The following CLIP2 variants were observed in gnomAD, a reference collection of about 807,000 sequenced individuals.
CLIP2 encodes the protein CAP-Gly domain containing linker protein 2, also known as CAP-Gly domain-containing linker protein 2.
A neutral mutation model predicts 111.7 loss-of-function variants in CLIP2; 41 were observed. That is an observed-to-expected ratio of 0.37 (90% CI 0.29 to 0.48). The LOEUF is 0.48. Ranked by LOEUF, CLIP2 falls within the 20% of genes least tolerant of loss-of-function variation. The pLI is 0.99. For synonymous variants in CLIP2, 660 were observed against 644.2 expected, an observed-to-expected ratio of 1.02 and a Z score of -0.37; for missense variants, 1,160 against 1,422.1, an observed-to-expected ratio of 0.82 and a Z score of 2.96.
chr7:74,353,014 G>A (rs1485567873), intron 3 of CLIP2, among the ~76,000 whole-genome samples: 4 of 152,032 alleles, frequency 2.6e-5, no homozygotes, highest in African/African-American at 9.7e-5. Flanking sequence ...AGCTGGGTAT[G>A]GTGGCACACA....
chr7:74,314,349 G>A (rs2116494355), intron 1 of CLIP2, among the ~76,000 whole-genome samples: 1 of 152,140 alleles, frequency 6.6e-6, no homozygotes, highest in Non-Finnish European at 1.5e-5. Flanking sequence ...AAATTAGCCA[G>A]GCATGGTGGC....
chr7:74,381,514 C>G (rs1412363412), intron 11 of CLIP2: 1 of 437,286 alleles, frequency 2.3e-6, no homozygotes, highest in Non-Finnish European at 4.6e-6. Flanking sequence ...CAGGTCTAAA[C>G]TTCAAATGGT....
intron 2 of CLIP2, among the ~76,000 whole-genome samples, chr7:74,321,291 C>A (rs1426023153): frequency 6.6e-6 from 1 of 152,038 alleles, no homozygotes; most frequent in African/African-American, 2.4e-5. Flanking sequence ...TTCTCCCTTC[C>A]CCCTTACCAC....
At chr7:74,357,232 C>T (rs782584926) in intron 5 of CLIP2, 48 bp from the exon 6 acceptor site, 2 of 1,554,184 alleles carry the variant, frequency 1.3e-6, no homozygotes, top group African/African-American at 2.7e-5. Context: ...GTCTGCCCTG[C>T]AGTGCTTCAG....
intron 13 of CLIP2, among the ~76,000 whole-genome samples, chr7:74,392,394 G>A (rs892549750): frequency 2.6e-5 from 4 of 151,568 alleles, no homozygotes; most frequent in South Asian, 4.2e-4. Context: ...ATAGCTGGGC[G>A]TGGAGCACAC....
chr7:74,398,209 A>C (rs1185465396), intron 14 of CLIP2, among the ~76,000 whole-genome samples: 8 of 152,042 alleles, frequency 5.3e-5, no homozygotes, highest in African/African-American at 1.9e-4. Flanking sequence ...AAATACAAAA[A>C]TTAGCCGGGC....
At chr7:74,372,662 A>G (rs1299453013) in intron 8 of CLIP2, among the ~76,000 whole-genome samples, 1 of 151,636 alleles carries the variant, frequency 6.6e-6, no homozygotes, top group African/African-American at 2.4e-5. Flanking sequence ...GATGGCTTGC[A>G]GGCCCCCACC....
At chr7:74,317,825 G>T (rs1483121546) in intron 2 of CLIP2, among the ~76,000 whole-genome samples, 158 bp downstream of exon 2, 2 of 152,216 alleles carry the variant, frequency 1.3e-5, no homozygotes, top group East Asian at 3.8e-4. Context: ...AACACTGGGA[G>T]GTTGGCAGAG....
intron 3 of CLIP2, among the ~76,000 whole-genome samples, chr7:74,342,954 G>C (rs1789699342): frequency 6.6e-6 from 1 of 151,362 alleles, no homozygotes; most frequent in Non-Finnish European, 1.5e-5. Flanking sequence ...AGAATGGCGT[G>C]AACCTGGGAG....
chr7:74,372,841 T>C, intron 8 of CLIP2, 91 bp from the exon 9 acceptor site: 1 of 682,966 alleles, frequency 1.5e-6, no homozygotes, highest in Non-Finnish European at 2.4e-6. Flanking sequence ...TCTCTCTCTC[T>C]TTCTCTCTCT....
chr7:74,312,121 C>T (rs761636074), intron 1 of CLIP2, among the ~76,000 whole-genome samples: 27 of 151,998 alleles, frequency 1.8e-4, no homozygotes, highest in Non-Finnish European at 2.9e-4. Context: ...GGCAATGGGA[C>T]GCCTGTAGTC....
At chr7:74,303,378 A>G (rs963551927) in intron 1 of CLIP2, among the ~76,000 whole-genome samples, 2 of 152,208 alleles carry the variant, frequency 1.3e-5, no homozygotes, top group Middle Eastern at 3.4e-3. Context: ...TGCATGGTGC[A>G]GGATTGGGGT....
chr7:74,323,668 T>C (rs1279242431), intron 2 of CLIP2, among the ~76,000 whole-genome samples: 1 of 152,076 alleles, frequency 6.6e-6, no homozygotes, highest in Non-Finnish European at 1.5e-5. Context: ...TCAGGTAATC[T>C]GCCTGCCTCG....
Position 74,404,059 on chromosome 7 carries a change from T to C in CLIP2, c.*211T>C, listed in dbSNP as rs1791698756. 4.8e-6 allele frequency: 3 copies of C among 619,646 alleles called. No individual in the cohort carries two copies. In the South Asian group the frequency reaches 5.2e-5, roughly 11 times the overall value. 38.4% of individuals were successfully genotyped at this position (619,646 alleles called of 1,614,324 possible). On this transcript the variant is annotated 3_prime_UTR_variant, in exon 17 of 17. Coordinates refer to ENST00000223398, the MANE Select transcript of CLIP2 (RefSeq NM_003388.5). ...CAAGCCCAGCCTTCTACAGAGAGTGTGAACGGTACAGCCCCGGCCTGACCC... is the reference window on the plus strand; with the variant it reads ...CAAGCCCAGCCTTCTACAGAGAGTGCGAACGGTACAGCCCCGGCCTGACCC...
At chr7:74,291,345 A>T (rs894647659) in intron 1 of CLIP2, among the ~76,000 whole-genome samples, 6 of 152,178 alleles carry the variant, frequency 3.9e-5, no homozygotes, top group Non-Finnish European at 5.9e-5. Context: ...CAGAGCCCAA[A>T]GTCCCAGCAG....
At chr7:74,308,918 A>T (rs1180905246) in intron 1 of CLIP2, among the ~76,000 whole-genome samples, 1 of 151,890 alleles carries the variant, frequency 6.6e-6, no homozygotes, top group Non-Finnish European at 1.5e-5. Flanking sequence ...CCCAGGCTGG[A>T]GTGTGGTAGT....
chr7:74,368,534 A>AAATAAATG (rs1554311255), intron 8 of CLIP2, among the ~76,000 whole-genome samples: 2 of 151,074 alleles, frequency 1.3e-5, no homozygotes, highest in African/African-American at 4.8e-5. Context: ...ATAAATAAAT[A>AAATAAATG]AATAAATAAA....
At chr7:74,353,766 C>A in intron 3 of CLIP2, 114 bp from the exon 4 acceptor site, 1 of 1,446,548 alleles carries the variant, frequency 6.9e-7, no homozygotes, top group South Asian at 1.2e-5. Context: ...TCCTGGCTCC[C>A]GTGTCCTCTG....
At chr7:74,297,252 T>G (rs1460204067) in intron 1 of CLIP2, among the ~76,000 whole-genome samples, 1 of 152,044 alleles carries the variant, frequency 6.6e-6, no homozygotes, top group African/African-American at 2.4e-5. Flanking sequence ...GCAGGAGGAT[T>G]GCTTGAGCTC....
Sources: gnomAD v4.1 joint callset for allele counts (sites outside exome capture counted in the v4.1 genomes callset) on GRCh38, gnomAD v4.1.1 for gene constraint, MANE v1.5 for transcripts, NCBI Gene and HGNC (gene_info 2026-07-23, HGNC 2026-07-21) for gene names.